The following ZNF610 variants were observed in gnomAD, a reference collection of about 807,000 sequenced individuals.
The protein encoded by ZNF610 is zink finger protein.
ZNF610 carries 14 observed loss-of-function variants against 14.1 expected under a neutral mutation model. The ratio of observed to expected loss-of-function variants is 0.99; its 90% CI spans 0.65 to 1.55. The LOEUF (loss-of-function observed/expected upper bound fraction) is 1.55. Among genes scored for constraint, ZNF610 ranks in the 40% most tolerant of loss-of-function variants. ZNF610 has a pLI of 0.00. For synonymous variants in ZNF610, 185 were observed against 187.6 expected (o/e 0.99, Z 0.11); for missense variants, 530 against 558.0 (o/e 0.95, Z 0.51).
Position 52,365,980 on chromosome 19 carries a change from C to G in ZNF610, c.602C>G (p.Ser201Cys). ...GAGAAAGCATACATTAGAGGAAAAT[C>G]TTATGAATATGAATGTAGTGAAGAT... is the stretch of plus-strand genomic sequence containing the variant. ...QEEKAYIRGK[S>C]YEYECSEDGE... The change falls in exon 6 of 6, where the codon TCT (serine) becomes TGT (cysteine). Residue 201 changes from serine to cysteine, a missense_variant. By Grantham distance (112) the Ser-to-Cys change is moderately radical. Coordinates refer to ENST00000403906, the MANE Select transcript of ZNF610 (RefSeq NM_001161425.2). 6.2e-7 allele frequency: 1 copy of G among 1,614,112 alleles called. No individual in the cohort carries two copies. The highest frequency in any genetic ancestry group is 1.1e-5 in the South Asian group (1 of 91,068).
At position 52,365,642 on chromosome 19, in the gene ZNF610, A is replaced by C. The variant is rs533412854; in HGVS notation, c.320-56A>C. On this transcript the variant is annotated intron_variant, in intron 5 of 5. Coordinates refer to ENST00000403906, the MANE Select transcript of ZNF610 (RefSeq NM_001161425.2). ...TGAGGCTGATTCTGGTCCCTCCACCAGACGGTAAACATGCCAGAATCATGG... is the reference window on the plus strand; with the variant it reads ...TGAGGCTGATTCTGGTCCCTCCACCCGACGGTAAACATGCCAGAATCATGG... 3 of 1,477,592 alleles carry C rather than the reference A, an allele frequency of 2.0e-6. No individual in the cohort carries two copies. In the East Asian group the frequency reaches 6.8e-5, roughly 34 times the overall value. The allele number at this position is 1,477,592 out of a possible 1,614,324, so 91.5% of individuals were successfully genotyped here.
intron 1 of ZNF610, among the ~76,000 whole-genome samples, chr19:52,339,023 G>T (rs1289906360): frequency 6.6e-6 from 1 of 151,878 alleles, no homozygotes. Flanking sequence ...GTGGGGAGAG[G>T]GTCAGCAGGA....
At chr19:52,349,075 TA>T in intron 2 of ZNF610, 78 bp from the exon 3 acceptor site, 1 of 1,027,544 alleles carries the variant, frequency 9.7e-7, no homozygotes, top group Non-Finnish European at 1.5e-6. Context: ...GGATTAGGTC[TA>T]ACCTGTGTGT....
intron 3 of ZNF610, 121 bp downstream of exon 3, chr19:52,349,356 A>T (rs1049531624): frequency 7.3e-7 from 1 of 1,370,564 alleles, no homozygotes; most frequent in Non-Finnish European, 1.0e-6. Context: ...CATCTCGCTT[A>T]GATTCTATCT....
Position 52,366,842 on chromosome 19 carries a change from T to G in ZNF610, c.*75T>G. The G allele has an allele frequency of 1.6e-6, 2 of 1,212,860 alleles. No homozygotes were observed. Among genetic ancestry groups the G allele is most frequent in the East Asian group, 2.4e-5 (1 of 41,756 alleles). The allele number at this position is 1,212,860 out of a possible 1,614,324, so 75.1% of individuals were successfully genotyped here. A position where few individuals can be genotyped will look rare whatever the true frequency, so the allele number is the denominator to read the frequency against. ...ACTCAGGAGAAAAACCTTACAAATA[T>G]CATAAATGTGGCAAAGAATTTAGTT... is the stretch of plus-strand genomic sequence containing the variant. On this transcript the variant is annotated 3_prime_UTR_variant, in exon 6 of 6. Transcript: ENST00000403906.
chr19:52,344,709 A>G (rs1984851655), intron 1 of ZNF610, among the ~76,000 whole-genome samples: 1 of 152,212 alleles, frequency 6.6e-6, no homozygotes, highest in Non-Finnish European at 1.5e-5. Context: ...AAAATATTAC[A>G]CAGAAAGTTC....
In ZNF610 at chr19:52,353,559, A is replaced by G. The variant is rs1049736794; in HGVS notation, c.64-123A>G. The G allele has an allele frequency of 5.7e-6, 6 of 1,057,922 alleles. No homozygotes were observed. In the African/African-American group the frequency reaches 9.7e-5, roughly 17 times the overall value. The allele number at this position is 1,057,922 out of a possible 1,614,324, so 65.5% of individuals were successfully genotyped here. ...GAACATTTACTAGAGATTGGAATTG[A>G]AGTTTCTATGTTTTTTAATGATCTG... On this transcript the variant is annotated intron_variant, in intron 3 of 5. Coordinates refer to ENST00000403906, the MANE Select transcript of ZNF610 (RefSeq NM_001161425.2).
At chr19:52,352,839 T>G (rs1244180119) in intron 3 of ZNF610, among the ~76,000 whole-genome samples, 3 of 151,870 alleles carry the variant, frequency 2.0e-5, no homozygotes, top group Non-Finnish European at 4.4e-5. Flanking sequence ...ATCATGTTTT[T>G]TTTGTTTGTT....
At chr19:52,331,138 C>A in the ZNF610 span, among the ~76,000 whole-genome samples, 2 of 152,066 alleles carry the variant, frequency 1.3e-5, no homozygotes, top group East Asian at 3.9e-4. Flanking sequence ...AGCTGAGAAA[C>A]CTGACAGACA....
At chr19:52,351,905 G>A (rs1266723530) in intron 3 of ZNF610, among the ~76,000 whole-genome samples, 3 of 152,050 alleles carry the variant, frequency 2.0e-5, no homozygotes, top group African/African-American at 4.8e-5. Context: ...TCAGGCTAAC[G>A]TGTTCATGCA....
intron 3 of ZNF610, among the ~76,000 whole-genome samples, chr19:52,350,693 C>CA (rs906932491): frequency 1.5e-4 from 22 of 150,804 alleles, no homozygotes; most frequent in Non-Finnish European, 2.4e-4. Flanking sequence ...CAAAACAAAA[C>CA]AAAAAAAACC....
rs755063885 is a variant in ZNF610, at chr19:52,365,964, T to A, written c.586T>A (p.Tyr196Asn). 5.6e-6 allele frequency: 9 copies of A among 1,613,988 alleles called. No homozygotes were observed. The Admixed American group carries it at 1.5e-4, about 27-fold the overall frequency. ...FPLLPQEEKA[Y>N]IRGKSYEYEC... Reference sequence around the variant, plus strand: ...ATTACTCCCACAAGAAGAGAAAGCATACATTAGAGGAAAATCTTATGAATA... The same window carrying A: ...ATTACTCCCACAAGAAGAGAAAGCAAACATTAGAGGAAAATCTTATGAATA... Residue 196 changes from tyrosine (Y) to asparagine (N), a missense_variant, in exon 6 of 6, where the codon TAC becomes AAC. Tyr to Asn is a moderately radical substitution (Grantham distance 143). Coordinates refer to ENST00000403906, the MANE Select transcript of ZNF610 (RefSeq NM_001161425.2).
intron 5 of ZNF610, among the ~76,000 whole-genome samples, chr19:52,359,432 A>G (rs1461138675): frequency 6.6e-6 from 1 of 152,144 alleles, no homozygotes; most frequent in African/African-American, 2.4e-5. Context: ...TCCACAGGTC[A>G]TTGAATCTGC....
At chr19:52,332,819 A>G (rs1188859894), upstream of ZNF610, among the ~76,000 whole-genome samples, 1 of 152,226 alleles carries the variant, frequency 6.6e-6, no homozygotes, top group Non-Finnish European at 1.5e-5. The surrounding 1 kb of genome is among the most constrained non-coding windows in gnomAD (Gnocchi z 4.1). Flanking sequence ...CGGAGTACAA[A>G]GCCCATGGTT....
chr19:52,337,620 C>A (rs890843), intron 1 of ZNF610, among the ~76,000 whole-genome samples: 97,916 of 151,702 alleles, frequency 0.65, 31,958 homozygotes, highest in African/African-American at 0.72. Context: ...AATGAGAGAG[C>A]TGTACAGAAT....
intron 3 of ZNF610, 73 bp from the exon 4 acceptor site, chr19:52,353,609 A>G: frequency 6.4e-6 from 10 of 1,553,628 alleles, no homozygotes; most frequent in Non-Finnish European, 8.8e-6. Flanking sequence ...TTAATATTCA[A>G]AAATGTTTAT....
intron 5 of ZNF610, among the ~76,000 whole-genome samples, chr19:52,357,009 G>A (rs964421621): frequency 1.4e-4 from 21 of 151,472 alleles, no homozygotes; most frequent in East Asian, 5.8e-4. Context: ...CCTGGAGAGC[G>A]TGTCACATGC....
At chr19:52,348,915 C>T (rs1985096857) in intron 2 of ZNF610, among the ~76,000 whole-genome samples, 1 of 152,170 alleles carries the variant, frequency 6.6e-6, no homozygotes, top group Admixed American at 6.5e-5. Flanking sequence ...TCCAGCCTAG[C>T]TCCCTACTGC....
intron 5 of ZNF610, among the ~76,000 whole-genome samples, chr19:52,361,683 C>T (rs909969638): frequency 6.6e-6 from 1 of 151,872 alleles, no homozygotes; most frequent in Non-Finnish European, 1.5e-5. Flanking sequence ...TGATCTCGAA[C>T]TCCTGAGCTC....
Sources: gnomAD v4.1 joint callset for allele counts (sites outside exome capture counted in the v4.1 genomes callset) on GRCh38, gnomAD v4.1.1 for gene constraint, Gnocchi (gnomAD v3.1) non-coding constraint, MANE v1.5 for transcripts, NCBI Gene and HGNC (gene_info 2026-07-23, HGNC 2026-07-21) for gene names.